The following SHTN1 variants were observed in gnomAD, a reference collection of about 807,000 sequenced individuals.
The protein encoded by SHTN1 is shootin 1.
Under a neutral mutation model 83.1 loss-of-function variants are expected in SHTN1, and 42 were observed. The ratio of observed to expected loss-of-function variants is 0.51; its 90% CI spans 0.39 to 0.65. SHTN1 has a LOEUF of 0.65. Ranked by LOEUF, SHTN1 falls within the 30% of genes least tolerant of loss-of-function variation. SHTN1 has a pLI of 0.00. For missense variants in SHTN1, 622 were observed against 737.8 expected (o/e 0.84, Z 1.82); for synonymous variants, 224 against 247.7 (o/e 0.90, Z 0.90).
chr10:117,067,010 C>A (rs964009070), intron 1 of SHTN1, among the ~76,000 whole-genome samples: 1 of 152,060 alleles, frequency 6.6e-6, no homozygotes, highest in African/African-American at 2.4e-5. Flanking sequence ...AGGCAAAATA[C>A]AAAGACAAGT....
At chr10:117,104,945 A>G (rs1303571127) in intron 1 of SHTN1, among the ~76,000 whole-genome samples, 1 of 151,634 alleles carries the variant, frequency 6.6e-6, no homozygotes, top group African/African-American at 2.4e-5. Flanking sequence ...CTTCCCTTCA[A>G]CACACATTCT....
chr10:117,070,959 A>G (rs1853071738), intron 1 of SHTN1, among the ~76,000 whole-genome samples: 1 of 151,930 alleles, frequency 6.6e-6, no homozygotes, highest in Non-Finnish European at 1.5e-5. Flanking sequence ...TTTTATAAGG[A>G]TCCAAAATAG....
chr10:116,909,491 T>TA (rs1331626513), intron 14 of SHTN1, among the ~76,000 whole-genome samples: 1 of 152,194 alleles, frequency 6.6e-6, no homozygotes, highest in Non-Finnish European at 1.5e-5. Flanking sequence ...CACTGTCACT[T>TA]AGAGTGGCTT....
intron 2 of SHTN1, among the ~76,000 whole-genome samples, chr10:117,047,202 T>C (rs1008313788): frequency 1.3e-5 from 2 of 152,036 alleles, no homozygotes; most frequent in African/African-American, 4.8e-5. Flanking sequence ...GTAGCTGGGA[T>C]TACAGGTGCC....
At chr10:116,912,026 T>C (rs961588376) in intron 13 of SHTN1, among the ~76,000 whole-genome samples, 183 bp from the exon 14 acceptor site, 9 of 152,208 alleles carry the variant, frequency 5.9e-5, no homozygotes, top group African/African-American at 2.2e-4. Flanking sequence ...TGCTTTCAAG[T>C]AGCAGTTAAA....
At chr10:117,079,023 ATTTT>A (rs57691360) in intron 1 of SHTN1, among the ~76,000 whole-genome samples, 2 of 151,528 alleles carry the variant, frequency 1.3e-5, no homozygotes, top group Non-Finnish European at 1.5e-5. Context: ...AGATTTGTGA[ATTTT>A]TTTTATTTTT....
Position 116,983,676 on chromosome 10 carries a change from ATAGATAGATAAATAC to A in SHTN1, c.59-4383_59-4369del, listed in dbSNP as rs1564913622. Among the ~76,000 whole-genome samples, 40 of 63,100 alleles carry A rather than the reference ATAGATAGATAAATAC, an allele frequency of 6.3e-4. No homozygotes were observed. The South Asian group carries it at 7.5e-3, about 12-fold the overall frequency. 41.4% of individuals were successfully genotyped at this position (63,100 alleles called of 152,430 possible). A position where few individuals can be genotyped will look rare whatever the true frequency, so the allele number is the denominator to read the frequency against. On this transcript the variant is annotated intron_variant, in intron 1 of 16. Coordinates refer to ENST00000355371, the MANE Select transcript of SHTN1 (RefSeq NM_001127211.3). Reference sequence around the variant, plus strand: ...GATAGATAGATAGATAGATAGATAGATAGATAGATAAATACATACATACATACATACATACATACA... The same window carrying A: ...GATAGATAGATAGATAGATAGATAGAATACATACATACATACATACATACA...
At position 116,968,694 on chromosome 10, in the gene SHTN1, C is replaced by A. The variant is rs1266359126; in HGVS notation, c.130G>T (p.Glu44Ter). ...AGTTTTTTAACGGCTTCATCTCGTT[C>A]TTGCCTAATTTTGTCACACTGAAAT... ...TKEKCDKIRQ[E>*]RDEAVKKLEE... is the part of the protein sequence containing the mutation. The change falls in exon 3 of 17, where the codon GAA becomes TAA. Residue 44 changes from glutamate to a stop codon, truncating the protein, a stop_gained. Transcript: ENST00000355371. LOFTEE classifies it high-confidence loss of function. 6.2e-7 allele frequency: 1 copy of A among 1,612,218 alleles called. No individual in the cohort carries two copies. Among genetic ancestry groups the A allele is most frequent in the Non-Finnish European group, 8.5e-7 (1 of 1,178,808 alleles).
At chr10:116,991,446 CT>C (rs1564918933) in intron 1 of SHTN1, among the ~76,000 whole-genome samples, 1 of 152,152 alleles carries the variant, frequency 6.6e-6, no homozygotes, top group East Asian at 1.9e-4. Flanking sequence ...GCTTCCACCC[CT>C]GGCAGAAGGC....
intron 2 of SHTN1, among the ~76,000 whole-genome samples, chr10:117,012,464 T>C (rs138693006): frequency 1.6e-3 from 248 of 152,250 alleles, no homozygotes; most frequent in Middle Eastern, 6.8e-3. Context: ...GTGAATCACT[T>C]TTTTTCTGCA....
chr10:116,963,601 T>A (rs1264042086), intron 3 of SHTN1, among the ~76,000 whole-genome samples: 2 of 152,196 alleles, frequency 1.3e-5, no homozygotes, highest in Non-Finnish European at 2.9e-5. Flanking sequence ...AAATATATAC[T>A]GAAATATTTC....
chr10:116,951,652 A>C (rs1237529527), intron 6 of SHTN1, among the ~76,000 whole-genome samples: 1 of 152,238 alleles, frequency 6.6e-6, no homozygotes, highest in Non-Finnish European at 1.5e-5. Flanking sequence ...CTTACATAGC[A>C]AAAACTGGGG....
intron 3 of SHTN1, 70 bp from the exon 4 acceptor site, chr10:116,960,300 G>A (rs971363346): frequency 3.2e-5 from 27 of 843,918 alleles, no homozygotes; most frequent in Admixed American, 9.3e-5. Flanking sequence ...CCCACGCATC[G>A]TCCCATGATT....
chr10:116,978,473 A>AT (rs1234983408), intron 2 of SHTN1, among the ~76,000 whole-genome samples: 1 of 151,662 alleles, frequency 6.6e-6, no homozygotes, highest in Admixed American at 6.6e-5. Flanking sequence ...TTTAAAGTAA[A>AT]TTTTTTTTAT....
At chr10:117,017,774 G>A (rs924580374) in intron 2 of SHTN1, among the ~76,000 whole-genome samples, 4 of 152,076 alleles carry the variant, frequency 2.6e-5, no homozygotes, top group African/African-American at 9.7e-5. Context: ...TTACAGTGGC[G>A]AATCCTAGCA....
intron 1 of SHTN1, among the ~76,000 whole-genome samples, chr10:117,062,262 G>A (rs958915417): frequency 2.0e-5 from 3 of 152,176 alleles, no homozygotes; most frequent in African/African-American, 7.2e-5. Context: ...ATAGGTAAAA[G>A]TGAATTTACC....
At chr10:116,917,251 C>T (rs1024968801) in intron 12 of SHTN1, among the ~76,000 whole-genome samples, 2 of 152,190 alleles carry the variant, frequency 1.3e-5, no homozygotes, top group African/African-American at 4.8e-5. Context: ...AGATAAAACC[C>T]AGTCTGCCAT....
intron 4 of SHTN1, among the ~76,000 whole-genome samples, chr10:116,959,261 T>C (rs1013968866): frequency 6.6e-6 from 1 of 152,216 alleles, no homozygotes; most frequent in Admixed American, 6.5e-5. Flanking sequence ...AAATTTATAT[T>C]CTTAGTTAGG....
intron 16 of SHTN1, among the ~76,000 whole-genome samples, chr10:116,898,680 G>A (rs1011526200): frequency 6.6e-6 from 1 of 152,046 alleles, no homozygotes; most frequent in Non-Finnish European, 1.5e-5. Flanking sequence ...AATAGAAACA[G>A]AATAAATTAG....
Sources: allele counts gnomAD v4.1 joint callset (sites outside exome capture counted in the v4.1 genomes callset), GRCh38; gene constraint gnomAD v4.1.1; transcripts MANE v1.5; gene names NCBI Gene and HGNC (gene_info 2026-07-23, HGNC 2026-07-21).